Variants in SLC22A25 observed in about 807,000 individuals in gnomAD.
SLC22A25 encodes the protein MGI:2442751, MGI:2385316, MGI:3042283, MGI:3645714, MGI:3605624, MGI:2442750.
SLC22A25 carries 44 observed loss-of-function variants against 45.9 expected under a neutral mutation model. The ratio of observed to expected loss-of-function variants is 0.96; its 90% CI spans 0.75 to 1.23. SLC22A25 has a LOEUF of 1.23. Ranked by LOEUF, SLC22A25 falls within the 50% of genes most tolerant of loss-of-function variation. The probability of loss-of-function intolerance (pLI) is 0.00; values close to 1 mark genes in which losing one functional copy is unlikely to be tolerated. For missense variants in SLC22A25, 800 were observed against 666.4 expected, an observed-to-expected ratio of 1.20 and a Z score of -2.21; for synonymous variants, 283 against 238.6, an observed-to-expected ratio of 1.19 and a Z score of -1.72.
chr11:63,173,710 C>T (rs545331568), intron 9 of SLC22A25, among the ~76,000 whole-genome samples: 2 of 152,240 alleles, frequency 1.3e-5, no homozygotes, highest in African/African-American at 2.4e-5. Flanking sequence ...CTTATGTATA[C>T]TGCTCACTGC....
intron 9 of SLC22A25, among the ~76,000 whole-genome samples, chr11:63,178,864 T>C (rs1381613839): frequency 6.6e-6 from 1 of 152,192 alleles, no homozygotes; most frequent in Non-Finnish European, 1.5e-5. Flanking sequence ...TGCTTTTGAC[T>C]TTTTACTCAA....
chr11:63,179,222 G>T (rs1464564375), intron 9 of SLC22A25, among the ~76,000 whole-genome samples: 2 of 152,028 alleles, frequency 1.3e-5, no homozygotes, highest in Admixed American at 6.6e-5. Context: ...CTCTCAAAAT[G>T]CTGGAATTAC....
At position 63,214,748 on chromosome 11, in the gene SLC22A25, G is replaced by A. The variant is rs994657865; in HGVS notation, c.830+2566C>T. Among the ~76,000 whole-genome samples the A allele has an allele frequency of 1.7e-4, 19 of 108,816 alleles. No homozygotes were observed. In the East Asian group the frequency reaches 3.7e-3, roughly 21 times the overall value. The allele number at this position is 108,816 out of a possible 152,430, so 71.4% of individuals were successfully genotyped here. On this transcript the variant is annotated intron_variant, in intron 7 of 11. Coordinates refer to ENST00000306494, the MANE Select transcript of SLC22A25 (RefSeq NM_199352.6). ...CTGCACAGATCTCCCCCCACCCCAC[G>A]AAATGTTTAAAAGGTAACTTAACTC...
chr11:63,218,921 AT>A (rs1299668252), intron 5 of SLC22A25, among the ~76,000 whole-genome samples: 2 of 152,188 alleles, frequency 1.3e-5, no homozygotes, highest in Non-Finnish European at 2.9e-5. Flanking sequence ...AGATAGAAAA[AT>A]AATTGTTCTA....
intron 3 of SLC22A25, among the ~76,000 whole-genome samples, chr11:63,230,515 C>A (rs1329614581): frequency 6.6e-6 from 1 of 152,094 alleles, no homozygotes; most frequent in Non-Finnish European, 1.5e-5. Context: ...GTGAGACGCA[C>A]AATGTGCTAT....
In SLC22A25 at chr11:63,160,288, C is replaced by T. The variant is rs2087522628; in HGVS notation, c.*3536G>A. On this transcript the variant is annotated 3_prime_UTR_variant, in exon 12 of 12. Coordinates refer to ENST00000306494, the MANE Select transcript of SLC22A25 (RefSeq NM_199352.6). ...GTCCAGGTGCCCCTGCTGTGTGCAG[C>T]CTTAGTGACTTGGTGCCCTGTGTCT... Among the ~76,000 whole-genome samples, 1 of 152,198 alleles carries T rather than the reference C, an allele frequency of 6.6e-6. No homozygotes were observed. Among genetic ancestry groups the T allele is most frequent in the African/African-American group, 2.4e-5 (1 of 41,460 alleles).
At chr11:63,195,345 A>T (rs4635084) in intron 7 of SLC22A25, among the ~76,000 whole-genome samples, 150,239 of 152,136 alleles carry the variant, frequency 0.99, 74,222 homozygotes, top group Middle Eastern at 1. Flanking sequence ...ATTGACCACA[A>T]AGTTGGAAGT....
chr11:63,236,934 G>C (rs1000395704), intron 3 of SLC22A25, among the ~76,000 whole-genome samples: 2 of 152,126 alleles, frequency 1.3e-5, no homozygotes, highest in Non-Finnish European at 2.9e-5. Context: ...ATAGAACACT[G>C]TTCTCCATAT....
At chr11:63,221,608 G>T (rs1182899675) in intron 5 of SLC22A25, among the ~76,000 whole-genome samples, 2 of 151,834 alleles carry the variant, frequency 1.3e-5, no homozygotes, top group Non-Finnish European at 2.9e-5. Flanking sequence ...TGTTTCCTTT[G>T]TTGTACAGAA....
intron 5 of SLC22A25, among the ~76,000 whole-genome samples, chr11:63,226,618 G>A (rs1324811540): frequency 6.6e-6 from 1 of 152,154 alleles, no homozygotes; most frequent in East Asian, 1.9e-4. Context: ...CTGGGTCTTG[G>A]CCAAGGCCCA....
chr11:63,223,837 A>G (rs927895398), intron 5 of SLC22A25, among the ~76,000 whole-genome samples: 1 of 152,006 alleles, frequency 6.6e-6, no homozygotes, highest in African/African-American at 2.4e-5. Context: ...TTGTTTCAAT[A>G]TATTTCTCAA....
At chr11:63,177,553 C>A (rs2088137643) in intron 9 of SLC22A25, among the ~76,000 whole-genome samples, 1 of 151,356 alleles carries the variant, frequency 6.6e-6, no homozygotes, top group Admixed American at 6.6e-5. Flanking sequence ...TTCTTAATAC[C>A]CTTTCCCCAG....
intron 7 of SLC22A25, among the ~76,000 whole-genome samples, chr11:63,196,084 G>C (rs1004533286): frequency 1.3e-4 from 20 of 152,008 alleles, no homozygotes; most frequent in Admixed American, 1.1e-3. Flanking sequence ...AGACCAATAA[G>C]AGGCTCTGAA....
chr11:63,243,284 T>A (rs2090281767), intron 1 of SLC22A25, 150 bp downstream of exon 1: 2 of 410,986 alleles, frequency 4.9e-6, no homozygotes, highest in East Asian at 1.0e-4. Context: ...GGTGGCCATT[T>A]GATTGGTGGC....
rs2087522718 is a variant in SLC22A25, at chr11:63,160,298, T to A, written c.*3526A>T. On this transcript the variant is annotated 3_prime_UTR_variant, in exon 12 of 12. Coordinates refer to ENST00000306494, the MANE Select transcript of SLC22A25 (RefSeq NM_199352.6). ...CCCTGCTGTGTGCAGCCTTAGTGAC[T>A]TGGTGCCCTGTGTCTCAGCCACTCT... 3.9e-5 allele frequency among the ~76,000 whole-genome samples: 6 copies of A among 152,182 alleles called. No homozygotes were observed.
Position 63,162,605 on chromosome 11 carries a change from A to G in SLC22A25, c.*1219T>C, listed in dbSNP as rs74433214. Among the ~76,000 whole-genome samples the G allele has an allele frequency of 0.05, 7,634 of 152,254 alleles. 652 individuals are homozygous for G. The highest frequency in any genetic ancestry group is 0.34 in the East Asian group (1,762 of 5,176). ...TAAGCAATTACTCTATTAAATAATT[A>G]AGGAAGAATCATTGTTTTAAATATT... On this transcript the variant is annotated 3_prime_UTR_variant, in exon 12 of 12. Transcript: ENST00000306494.
chr11:63,229,179 A>C lies in SLC22A25; in HGVS notation c.402+72T>G, dbSNP rs567230625. 135 of 1,431,438 alleles carry C rather than the reference A, an allele frequency of 9.4e-5. 1 individual carries two copies. Among genetic ancestry groups the C allele is most frequent in the Non-Finnish European group, 3.7e-6 (4 of 1,076,106 alleles). 88.7% of individuals were successfully genotyped at this position (1,431,438 alleles called of 1,614,324 possible). ...CACCTACATGTGACTAAAGGCTGGAAGCACAATCATTTCTTGTGTTATTCT... is the reference window on the plus strand; with the variant it reads ...CACCTACATGTGACTAAAGGCTGGACGCACAATCATTTCTTGTGTTATTCT... On this transcript the variant is annotated intron_variant, in intron 4 of 11. Transcript: ENST00000306494.
rs987621845 is a variant in SLC22A25 at position 63,183,949 on chromosome 11, C to T, written c.831-132G>A. The T allele has an allele frequency of 3.9e-6, 5 of 1,270,864 alleles. No homozygotes were observed. The African/African-American group carries it at 6.0e-5, about 15-fold the overall frequency. The allele number at this position is 1,270,864 out of a possible 1,614,324, so 78.7% of individuals were successfully genotyped here. Reference sequence around the variant, plus strand: ...GTTTGGTTATACCAGGAAATAAAAGCCTACATTCTCTTGTGCCATCACCAG... The same window carrying T: ...GTTTGGTTATACCAGGAAATAAAAGTCTACATTCTCTTGTGCCATCACCAG... On this transcript the variant is annotated intron_variant, in intron 7 of 11. Coordinates refer to ENST00000306494, the MANE Select transcript of SLC22A25 (RefSeq NM_199352.6).
rs549642586 is a variant in SLC22A25, at chr11:63,234,107, T to C, written c.-445+3774A>G. On this transcript the variant is annotated intron_variant, in intron 3 of 11. Coordinates refer to ENST00000306494, the MANE Select transcript of SLC22A25 (RefSeq NM_199352.6). ...GTGGTGTGGTGCTGAAAAGAATGTA[T>C]ATTCTGTTGATTTGGGGTGGAGAGT... Among the ~76,000 whole-genome samples, 376 of 152,354 alleles carry C rather than the reference T, an allele frequency of 2.5e-3. 1 individual carries two copies. The highest frequency in any genetic ancestry group is 4.5e-3 in the Non-Finnish European group (307 of 68,040).
Sources: allele counts gnomAD v4.1 joint callset (sites outside exome capture counted in the v4.1 genomes callset), GRCh38; gene constraint gnomAD v4.1.1; transcripts MANE v1.5; gene names NCBI Gene and HGNC (gene_info 2026-07-23, HGNC 2026-07-21).